VWA8: variants seen among roughly 807,000 people sequenced by gnomAD.
VWA8 encodes the protein von Willebrand factor A domain-containing protein 8.
A neutral mutation model predicts 241.5 loss-of-function variants in VWA8; 221 were observed. That is an observed-to-expected ratio of 0.91 (90% CI 0.82 to 1.02). The LOEUF is 1.02. Ranked by LOEUF, VWA8 falls within the 50% of genes least tolerant of loss-of-function variation. The pLI is 0.00. For missense variants in VWA8, 2,322 were observed against 2,328.7 expected, an observed-to-expected ratio of 1.00 and a Z score of 0.06; for synonymous variants, 852 against 827.1, an observed-to-expected ratio of 1.03 and a Z score of -0.52.
In VWA8 at chr13:41,957,578, C is replaced by T. The variant is rs918651736; in HGVS notation, c.163+3275G>A. Among the ~76,000 whole-genome samples, 8 of 152,088 alleles carry T rather than the reference C, an allele frequency of 5.3e-5. 1 individual carries two copies. Among genetic ancestry groups the T allele is most frequent in the Admixed American group, 3.3e-4 (5 of 15,270 alleles). On this transcript the variant is annotated intron_variant, in intron 1 of 44. Transcript: ENST00000379310. ...CCAAGACTGCTCCACTGCACTCCAG[C>T]CTGGGTGCCACAGCAAGACTCCATC... is the stretch of plus-strand genomic sequence containing the variant.
intron 3 of VWA8, among the ~76,000 whole-genome samples, chr13:41,908,369 G>A (rs1378492034): frequency 1.3e-5 from 2 of 152,120 alleles, no homozygotes; most frequent in Non-Finnish European, 2.9e-5. Context: ...GGGAGGCTGA[G>A]GCAGGAGAAT....
At chr13:41,785,742 C>G (rs1869161331) in intron 18 of VWA8, among the ~76,000 whole-genome samples, 1 of 152,040 alleles carries the variant, frequency 6.6e-6, no homozygotes, top group South Asian at 2.1e-4. Context: ...TGAGCTGTAA[C>G]ACTGAGAGTT....
In VWA8 at chr13:41,690,170, T is replaced by C; in HGVS notation, c.3972A>G (p.Thr1324=). The C allele has an allele frequency of 6.2e-7, 1 of 1,611,962 alleles. No homozygotes were observed. Among genetic ancestry groups the C allele is most frequent in the Non-Finnish European group, 8.5e-7 (1 of 1,178,606 alleles). ...EEPPSTGFGV[T]QETEFSIPHK... is the part of the protein sequence containing the mutation. ...CACAGATGACATAGTATTTACCTTG[T>C]GTAACTCCAAACCCTGTGCTGGGCG... The change falls in exon 33 of 45, where the codon ACA becomes ACG. Residue 1324 remains threonine (T), a synonymous_variant. Transcript: ENST00000379310.
At chr13:41,943,855 C>T (rs1329557763) in intron 2 of VWA8, among the ~76,000 whole-genome samples, 1 of 152,116 alleles carries the variant, frequency 6.6e-6, no homozygotes, top group Non-Finnish European at 1.5e-5. Context: ...GTAATACCAG[C>T]ACTTTGGAGG....
At chr13:41,583,689 A>G (rs2044399269) in intron 42 of VWA8, among the ~76,000 whole-genome samples, 1 of 151,654 alleles carries the variant, frequency 6.6e-6, no homozygotes, top group African/African-American at 2.4e-5. Context: ...CTATAAGACA[A>G]CTGGCCTGGA....
At chr13:41,864,683 C>T (rs1873205601) in intron 12 of VWA8, 1 of 407,584 alleles carries the variant, frequency 2.5e-6, no homozygotes, top group South Asian at 1.9e-5. Flanking sequence ...GAAAGAAAAA[C>T]TGAGAGCTAC....
intron 2 of VWA8, among the ~76,000 whole-genome samples, chr13:41,930,273 A>G (rs758349854): frequency 6.6e-6 from 1 of 152,240 alleles, no homozygotes; most frequent in Non-Finnish European, 1.5e-5. Flanking sequence ...CTGTTGGTAG[A>G]CATGTAAATT....
intron 12 of VWA8, among the ~76,000 whole-genome samples, chr13:41,863,578 C>A (rs1405753053): frequency 6.6e-6 from 1 of 151,190 alleles, no homozygotes. Context: ...AACCTAGGTG[C>A]CCACCAACAG....
intron 4 of VWA8, among the ~76,000 whole-genome samples, chr13:41,893,383 T>C (rs1035426010): frequency 2.6e-5 from 4 of 151,488 alleles, no homozygotes; most frequent in African/African-American, 7.3e-5. Flanking sequence ...ATTTCATGAA[T>C]AATCCCTCAA....
intron 4 of VWA8, among the ~76,000 whole-genome samples, chr13:41,894,009 A>G (rs1342819385): frequency 6.6e-6 from 1 of 152,248 alleles, no homozygotes; most frequent in African/African-American, 2.4e-5. Context: ...AATCTAGGGT[A>G]ATATTATTTT....
In VWA8 at chr13:41,711,735, G is replaced by A. The variant is rs988724594; in HGVS notation, c.3116+7856C>T. 1.9e-4 allele frequency among the ~76,000 whole-genome samples: 29 copies of A among 152,110 alleles called. No individual in the cohort carries two copies. In the South Asian group the frequency reaches 2.1e-3, roughly 11 times the overall value. ...TAAAAATACAAAAAATTAGCGGGGC[G>A]TGGTGGCGGGTGCCTATAGTCCCAG... On this transcript the variant is annotated intron_variant, in intron 26 of 44. Transcript: ENST00000379310.
intron 12 of VWA8, among the ~76,000 whole-genome samples, chr13:41,862,914 C>A (rs986074531): frequency 6.6e-6 from 1 of 152,202 alleles, no homozygotes. Flanking sequence ...ACCTAGCAAT[C>A]CCCTTACTAA....
Position 41,817,095 on chromosome 13 carries a change from C to T in VWA8, c.1870-320G>A, listed in dbSNP as rs115953816. Among the ~76,000 whole-genome samples the T allele has an allele frequency of 9.2e-3, 1,395 of 152,222 alleles. 31 individuals carry two copies. The highest frequency in any genetic ancestry group is 0.03 in the African/African-American group (1,253 of 41,522). ...TGGCCCATAGTGTACCCATAAAGAACTTTTCATGTATCATCATTTCCTATT... is the reference window on the plus strand; with the variant it reads ...TGGCCCATAGTGTACCCATAAAGAATTTTTCATGTATCATCATTTCCTATT... On this transcript the variant is annotated intron_variant, in intron 15 of 44. Coordinates refer to ENST00000379310, the MANE Select transcript of VWA8 (RefSeq NM_015058.2).
At chr13:41,747,062 G>A (rs2045612980) in intron 21 of VWA8, among the ~76,000 whole-genome samples, 2 of 152,162 alleles carry the variant, frequency 1.3e-5, no homozygotes, top group Admixed American at 1.3e-4. Flanking sequence ...TTTGGCTTAG[G>A]ATTGACTTGG....
chr13:41,879,465 G>A (rs61116339), intron 9 of VWA8, among the ~76,000 whole-genome samples: 2,608 of 150,320 alleles, frequency 0.017, 82 homozygotes, highest in African/African-American at 0.059. Flanking sequence ...ATCCTCTGCT[G>A]TCTCTTCCCT....
chr13:41,890,776 A>G (rs1267073577), intron 5 of VWA8, among the ~76,000 whole-genome samples: 1 of 152,334 alleles, frequency 6.6e-6, no homozygotes, highest in Admixed American at 6.5e-5. Context: ...TGAGTGGAAC[A>G]AGAAGCTATC....
In VWA8 at chr13:41,850,016, T is replaced by C. The variant is rs146088700; in HGVS notation, c.1425+15720A>G. ...TGTCCTTATGTCTGGAGTTACTCCA[T>C]GCAGAGTTCCCAAATTTGAAGTTTC... On this transcript the variant is annotated intron_variant, in intron 12 of 44. Transcript: ENST00000379310. Among the ~76,000 whole-genome samples the C allele has an allele frequency of 9.4e-4, 143 of 152,344 alleles. 1 individual carries two copies. Among genetic ancestry groups the C allele is most frequent in the African/African-American group, 3.2e-3 (132 of 41,590 alleles).
intron 26 of VWA8, among the ~76,000 whole-genome samples, chr13:41,718,537 A>G (rs547360372): frequency 1.7e-4 from 26 of 151,960 alleles, no homozygotes; most frequent in Non-Finnish European, 3.1e-4. Flanking sequence ...AATTTCTAAG[A>G]TAAGTCCATC....
chr13:41,868,408 C>T lies in VWA8; in HGVS notation c.1150G>A (p.Glu384Lys). ...ACAGAAGCTTGGGACACATGGTTTT[C>T]CATCATCTTCTCTACTTTTACAATC... ...KEIVKVEKMM[E>K]NHVSQASVTI... Residue 384 changes from glutamate to lysine, a missense_variant, in exon 10 of 45, where the codon GAA (glutamate) becomes AAA (lysine). Coordinates refer to ENST00000379310, the MANE Select transcript of VWA8 (RefSeq NM_015058.2). 1.2e-6 allele frequency: 2 copies of T among 1,614,068 alleles called. No homozygotes were observed. The highest frequency in any genetic ancestry group is 1.7e-6 in the Non-Finnish European group (2 of 1,179,994).
Sources: allele counts gnomAD v4.1 joint callset (sites outside exome capture counted in the v4.1 genomes callset), GRCh38; gene constraint gnomAD v4.1.1; transcripts MANE v1.5; gene names NCBI Gene and HGNC (gene_info 2026-07-23, HGNC 2026-07-21).